The following LUC7L3 variants were observed in gnomAD, a reference collection of about 807,000 sequenced individuals.
The protein encoded by LUC7L3 is luc7-like protein 3.
LUC7L3 carries 6 observed loss-of-function variants against 66.8 expected under a neutral mutation model. The ratio of observed to expected loss-of-function variants is 0.09; its 90% CI spans 0.05 to 0.18. LUC7L3 has a LOEUF of 0.18. Among genes scored for constraint, LUC7L3 ranks in the 10% least tolerant of loss-of-function variants. The pLI, the probability that LUC7L3 is intolerant of heterozygous loss-of-function variation, is 1.00. For missense variants in LUC7L3, 341 were observed against 531.1 expected, an observed-to-expected ratio of 0.64 and a Z score of 3.52; for synonymous variants, 160 against 174.7, an observed-to-expected ratio of 0.92 and a Z score of 0.66.
chr17:50,731,562 TAGTTAA>T, intron 1 of LUC7L3, among the ~76,000 whole-genome samples: 1 of 152,354 alleles, frequency 6.6e-6, no homozygotes, highest in African/African-American at 2.4e-5. Flanking sequence ...TTAATATTTT[TAGTTAA>T]AATCATTCTC....
Position 50,752,692 on chromosome 17 carries a change from A to G in LUC7L3, c.*2031A>G, listed in dbSNP as rs1164998910. 1 of 152,640 alleles carries G rather than the reference A, an allele frequency of 6.6e-6. No individual in the cohort carries two copies. The highest frequency in any genetic ancestry group is 1.5e-5 in the Non-Finnish European group (1 of 68,362). The allele number at this position is 152,640 out of a possible 1,614,324, so 9.5% of individuals were successfully genotyped here. A position where few individuals can be genotyped will look rare whatever the true frequency, so the allele number is the denominator to read the frequency against. ...AAGTTTTAGTATTAATCTTTTTCTA[A>G]TAAAGTTATTGACTCTGAACTAGTC... On this transcript the variant is annotated 3_prime_UTR_variant, in exon 10 of 10. Transcript: ENST00000505658.
Position 50,756,198 on chromosome 17 carries a change from TAAA to T in LUC7L3, c.*5540_*5542del, listed in dbSNP as rs1202485385. ...ATGTATGATATTTCTTAATAAAATT[TAAA>T]AAGAAGAATGGGAAAAAAGTCTTGG... is the stretch of plus-strand genomic sequence containing the variant. On this transcript the variant is annotated 3_prime_UTR_variant, in exon 10 of 10. Transcript: ENST00000505658. 3 of 147,458 alleles carry T rather than the reference TAAA, an allele frequency of 2.0e-5. No individual in the cohort carries two copies. The highest frequency in any genetic ancestry group is 3.0e-5 in the Non-Finnish European group (2 of 66,822). The allele number at this position is 147,458 out of a possible 1,614,324, so 9.1% of individuals were successfully genotyped here.
chr17:50,742,206 T>G (rs564703274), intron 5 of LUC7L3, among the ~76,000 whole-genome samples: 14 of 152,328 alleles, frequency 9.2e-5, no homozygotes, highest in African/African-American at 3.4e-4. Context: ...ATTTGACACC[T>G]ATGAGAATAG....
chr17:50,749,888 T>A (rs549223419), intron 9 of LUC7L3, among the ~76,000 whole-genome samples: 1 of 152,318 alleles, frequency 6.6e-6, no homozygotes, highest in Non-Finnish European at 1.5e-5. Context: ...TTAATTTCTC[T>A]TTTTGGAAAA....
In LUC7L3 at chr17:50,741,298, C is replaced by G. The variant is rs146784588; in HGVS notation, c.351+52C>G. ...AAACGGTCCTTGTTTTCTGGAGATT[C>G]AGAGACCTCCCTAATATTTTTGAAA... On this transcript the variant is annotated intron_variant, in intron 4 of 9. Transcript: ENST00000505658. The G allele has an allele frequency of 1.7e-5, 26 of 1,546,320 alleles. No individual in the cohort carries two copies. In the East Asian group the frequency reaches 2.7e-4, roughly 16 times the overall value.
rs543381669 is a variant in LUC7L3, at chr17:50,731,953, G to T, written c.100-5007G>T. On this transcript the variant is annotated intron_variant, in intron 1 of 9. Coordinates refer to ENST00000505658, the MANE Select transcript of LUC7L3 (RefSeq NM_016424.5). ...CCAAAGAAAGAGGCTGACAAATCCA[G>T]TGTCTTGGAAACATGTAATAGGGAC... Among the ~76,000 whole-genome samples, 23 of 152,318 alleles carry T rather than the reference G, an allele frequency of 1.5e-4. No individual in the cohort carries two copies. In the South Asian group the frequency reaches 4.4e-3, roughly 29 times the overall value.
At chr17:50,725,622 C>T (rs988759030) in intron 1 of LUC7L3, among the ~76,000 whole-genome samples, 2 of 152,100 alleles carry the variant, frequency 1.3e-5, no homozygotes, top group South Asian at 2.1e-4. Context: ...TTGAACAACA[C>T]GGGTTTGAGT....
rs1971065390 is a variant in LUC7L3, at chr17:50,754,032, G to T, written c.*3371G>T. 6.6e-6 allele frequency: 1 copy of T among 152,176 alleles called. No homozygotes were observed. The allele number at this position is 152,176 out of a possible 1,614,324, so 9.4% of individuals were successfully genotyped here. A position where few individuals can be genotyped will look rare whatever the true frequency, so the allele number is the denominator to read the frequency against. ...TACACCCAAAATTGATGTGACTGAA[G>T]AGGAACTGATTGTTGCTAACCAGCT... On this transcript the variant is annotated 3_prime_UTR_variant, in exon 10 of 10. Coordinates refer to ENST00000505658, the MANE Select transcript of LUC7L3 (RefSeq NM_016424.5).
chr17:50,741,006 A>T (rs1049966603), intron 3 of LUC7L3, 96 bp from the exon 4 acceptor site: 2 of 1,206,766 alleles, frequency 1.7e-6, no homozygotes, highest in African/African-American at 1.5e-5. Flanking sequence ...CCTGCAGCCT[A>T]AATGGAATAG....
intron 3 of LUC7L3, 118 bp from the exon 4 acceptor site, chr17:50,740,984 C>T (rs1268360534): frequency 2.1e-6 from 2 of 959,230 alleles, no homozygotes; most frequent in Middle Eastern, 6.0e-4. Flanking sequence ...ACTTCAAATA[C>T]ACCTGGTTTA....
intron 1 of LUC7L3, among the ~76,000 whole-genome samples, chr17:50,728,116 CAAA>C (rs34210400): frequency 0.33 from 42,210 of 128,664 alleles, 5,910 homozygotes; most frequent in South Asian, 0.36. Context: ...AGATCTGTCT[CAAA>C]AAAAAAAAAA....
At chr17:50,732,080 CTG>C (rs2146717074) in intron 1 of LUC7L3, among the ~76,000 whole-genome samples, 1 of 152,260 alleles carries the variant, frequency 6.6e-6, no homozygotes, top group East Asian at 1.9e-4. Flanking sequence ...GAAAGGGTAT[CTG>C]TGCTTCAGAA....
chr17:50,752,258 A>T lies in LUC7L3; in HGVS notation c.*1597A>T. ...AGAACGGCATAAAGTGAAGATCGAC[A>T]TTTAAAAAATGAGGTGAAAGAAAGC... On this transcript the variant is annotated 3_prime_UTR_variant, in exon 10 of 10. Coordinates refer to ENST00000505658, the MANE Select transcript of LUC7L3 (RefSeq NM_016424.5). 1 of 1,275,556 alleles carries T rather than the reference A, an allele frequency of 7.8e-7. No homozygotes were observed. The highest frequency in any genetic ancestry group is 1.0e-6 in the Non-Finnish European group (1 of 980,228). 79.0% of individuals were successfully genotyped at this position (1,275,556 alleles called of 1,614,324 possible). A position where few individuals can be genotyped will look rare whatever the true frequency, so the allele number is the denominator to read the frequency against.
At chr17:50,730,173 C>T (rs970704927) in intron 1 of LUC7L3, among the ~76,000 whole-genome samples, 1 of 151,568 alleles carries the variant, frequency 6.6e-6, no homozygotes, top group Non-Finnish European at 1.5e-5. Context: ...GGTCTTGCCA[C>T]GTTGCCCGGG....
chr17:50,744,903 C>T (rs866351789), intron 7 of LUC7L3, 90 bp downstream of exon 7: 1 of 1,089,194 alleles, frequency 9.2e-7, no homozygotes, highest in African/African-American at 1.6e-5. Flanking sequence ...CCTCCACCTC[C>T]CAGGTTTAAG....
At position 50,746,716 on chromosome 17, in the gene LUC7L3, A is replaced by C. The variant is rs770483352; in HGVS notation, c.1138+14A>C. 5 of 1,606,350 alleles carry C rather than the reference A, an allele frequency of 3.1e-6. No individual in the cohort carries two copies. Among genetic ancestry groups the C allele is most frequent in the Non-Finnish European group, 3.4e-6 (4 of 1,177,138 alleles). On this transcript the variant is annotated intron_variant, in intron 9 of 9. Coordinates refer to ENST00000505658, the MANE Select transcript of LUC7L3 (RefSeq NM_016424.5). Reference sequence around the variant, plus strand: ...CCAAGGAGAAAGGTTAGTTTATATGAGAATTCAGTTCATTAAGAAACTTTT... The same window carrying C: ...CCAAGGAGAAAGGTTAGTTTATATGCGAATTCAGTTCATTAAGAAACTTTT...
Position 50,751,043 on chromosome 17 carries a change from T to C in LUC7L3, c.*382T>C, listed in dbSNP as rs1331340536. ...GAACTGTTTTTTTTTTTCTTTTTGG[T>C]ATTAAGTCCATCTTGTGTTGGTACA... On this transcript the variant is annotated 3_prime_UTR_variant, in exon 10 of 10. Transcript: ENST00000505658. The C allele has an allele frequency of 7.0e-7, 1 of 1,434,024 alleles. No individual in the cohort carries two copies. 88.8% of individuals were successfully genotyped at this position (1,434,024 alleles called of 1,614,324 possible).
intron 1 of LUC7L3, among the ~76,000 whole-genome samples, chr17:50,726,452 G>A (rs771135831): frequency 4.6e-5 from 7 of 152,192 alleles, no homozygotes; most frequent in Non-Finnish European, 8.8e-5. Flanking sequence ...GATTAGAGGT[G>A]TAAGCCACAG....
rs1970688363 is a variant in LUC7L3 at position 50,746,680 on chromosome 17, A to C, written c.1116A>C (p.Gln372His). The change falls in exon 9 of 10, where the codon CAA (glutamine) becomes CAC (histidine). Residue 372 changes from glutamine (Q) to histidine (H), a missense_variant. By Grantham distance (24) the Gln-to-His change is conservative. This residue lies in a region of LUC7L3 where 210 missense variants were observed against 238.1 expected (regional missense o/e 0.88). Coordinates refer to ENST00000505658, the MANE Select transcript of LUC7L3 (RefSeq NM_016424.5). ...KHRSKSRDREQDRKSKEKEKR... is the reference protein window; with the variant it reads ...KHRSKSRDREHDRKSKEKEKR... ...GGAGCAAAAGTCGGGACAGAGAACA[A>C]GATAGAAAATCCAAGGAGAAAGGTT... 1 of 1,613,198 alleles carries C rather than the reference A, an allele frequency of 6.2e-7. No homozygotes were observed. The highest frequency in any genetic ancestry group is 8.5e-7 in the Non-Finnish European group (1 of 1,179,786).
Sources: allele counts gnomAD v4.1 joint callset (sites outside exome capture counted in the v4.1 genomes callset), GRCh38; gene constraint gnomAD v4.1.1; regional missense constraint gnomAD v4.1.1; transcripts MANE v1.5; gene names NCBI Gene and HGNC (gene_info 2026-07-23, HGNC 2026-07-21).